The following STAG1 variants were observed in gnomAD, a reference collection of about 807,000 sequenced individuals.
STAG1 encodes cohesin subunit SA-1.
Under a neutral mutation model 170.9 loss-of-function variants are expected in STAG1, and 26 were observed. The observed-to-expected ratio is 0.15, with a 90% confidence interval of 0.11 to 0.21. STAG1 has a LOEUF of 0.21. STAG1 is among the 10% of genes least tolerant of loss of function. The pLI is 1.00. For missense variants in STAG1, 964 were observed against 1,509.5 expected (o/e 0.64, Z 5.99); for synonymous variants, 514 against 497.7 (o/e 1.03, Z -0.44).
intron 9 of STAG1, among the ~76,000 whole-genome samples, chr3:136,479,099 TA>T (rs2089848775): frequency 6.6e-6 from 1 of 150,616 alleles, no homozygotes; most frequent in Non-Finnish European, 1.5e-5. Context: ...TATTATACTT[TA>T]AGTTTTAGGG....
intron 6 of STAG1, among the ~76,000 whole-genome samples, chr3:136,522,352 C>A (rs935845320): frequency 6.6e-6 from 1 of 152,116 alleles, no homozygotes; most frequent in Admixed American, 6.6e-5. Flanking sequence ...GAGTCAAAAT[C>A]CCAAAAGTTA....
chr3:136,732,551 T>C (rs1225782480), intron 1 of STAG1, among the ~76,000 whole-genome samples: 2 of 152,198 alleles, frequency 1.3e-5, no homozygotes, highest in Non-Finnish European at 2.9e-5. Flanking sequence ...CAGAACACGC[T>C]GGTGATAACC....
Position 136,708,318 on chromosome 3 carries a change from T to C in STAG1, c.-84+43877A>G, listed in dbSNP as rs567778925. On this transcript the variant is annotated intron_variant, in intron 1 of 33. Coordinates refer to ENST00000383202, the MANE Select transcript of STAG1 (RefSeq NM_005862.3). ...GCCATAAAAATTAAGTACTAATATA[T>C]GCTATAACTTCGATAAACATTGAAA... Among the ~76,000 whole-genome samples the C allele has an allele frequency of 2.0e-5, 3 of 152,138 alleles. No individual in the cohort carries two copies. The South Asian group carries it at 6.2e-4, about 32-fold the overall frequency.
chr3:136,617,529 C>A (rs779566114), intron 3 of STAG1, among the ~76,000 whole-genome samples: 2 of 152,190 alleles, frequency 1.3e-5, no homozygotes, highest in Non-Finnish European at 2.9e-5. Context: ...CAAGGAGGAA[C>A]CACTGGAGTC....
At position 136,443,299 on chromosome 3, in the gene STAG1, G is replaced by T. The variant is rs1360641128; in HGVS notation, c.1534C>A (p.Gln512Lys). The change falls in exon 15 of 34, where the codon CAA becomes AAA. Residue 512 changes from glutamine to lysine, a missense_variant. Transcript: ENST00000383202. Reference protein sequence around the residue: ...MTELLLEEPVQGEEAMSDRQE... With the variant: ...MTELLLEEPVKGEEAMSDRQE... ...CAAAATACTATACCTTCCTCTCCTT[G>T]AACAGGTTCTTCTAATAGCAACTCT... is the stretch of plus-strand genomic sequence containing the variant. The T allele has an allele frequency of 3.1e-6, 5 of 1,609,906 alleles. No homozygotes were observed. The highest frequency in any genetic ancestry group is 4.2e-6 in the Non-Finnish European group (5 of 1,176,798).
intron 26 of STAG1, among the ~76,000 whole-genome samples, chr3:136,361,759 G>A (rs1032909947): frequency 5.3e-5 from 8 of 152,060 alleles, no homozygotes; most frequent in East Asian, 3.9e-4. Context: ...TACGGGGTGC[G>A]TGCCAACACA....
rs186844149 is a variant in STAG1 at position 136,531,054 on chromosome 3, G to A, written c.472-9637C>T. 4.7e-3 allele frequency among the ~76,000 whole-genome samples: 719 copies of A among 152,236 alleles called. 3 individuals carry two copies. The highest frequency in any genetic ancestry group is 7.8e-3 in the Non-Finnish European group (529 of 68,024). On this transcript the variant is annotated intron_variant, in intron 6 of 33. Transcript: ENST00000383202. ...CAGGAGGCAGAGGTTGCAGTGAGCC[G>A]AGATCACGCACTGCACTCTAGCCTG...
At chr3:136,591,473 G>A in intron 4 of STAG1, 1 of 380,182 alleles carries the variant, frequency 2.6e-6, no homozygotes, top group Admixed American at 3.3e-5. Context: ...GAGAGGCTCA[G>A]GCCGGGGAGG....
intron 26 of STAG1, among the ~76,000 whole-genome samples, chr3:136,362,963 G>GC (rs1168932055): frequency 1.3e-5 from 2 of 151,660 alleles, no homozygotes; most frequent in Admixed American, 6.6e-5. Context: ...TATCCACTAG[G>GC]CCCCCTGAAA....
intron 4 of STAG1, among the ~76,000 whole-genome samples, chr3:136,596,178 T>A (rs1481722457): frequency 1.3e-5 from 2 of 152,208 alleles, no homozygotes; most frequent in Non-Finnish European, 2.9e-5. Context: ...AGTTCTGTGG[T>A]AAAATGCTAT....
intron 7 of STAG1, among the ~76,000 whole-genome samples, chr3:136,508,435 C>A (rs1933878907): frequency 6.6e-6 from 1 of 152,148 alleles, no homozygotes; most frequent in South Asian, 2.1e-4. Context: ...CATCTGTAAT[C>A]CCAGTGCTTT....
chr3:136,426,323 T>C (rs575456686), intron 16 of STAG1, among the ~76,000 whole-genome samples: 1 of 152,094 alleles, frequency 6.6e-6, no homozygotes, highest in East Asian at 1.9e-4. Flanking sequence ...GGCAAGAGAA[T>C]GGCGTGAACC....
In STAG1 at chr3:136,422,608, C is replaced by T; in HGVS notation, c.1839G>A (p.Leu613=). The change falls in exon 19 of 34, where the codon CTG becomes CTA. Residue 613 remains leucine (L), a synonymous_variant. Transcript: ENST00000383202. ...IYSTGRMEKH[L]DALLKQIKFV... is the part of the protein sequence containing the mutation. ...ACTTAATCTGTTTTAATAAAGCATC[C>T]AGATGCTGAGGAGACAAAAAAAGAA... 1 of 1,612,290 alleles carries T rather than the reference C, an allele frequency of 6.2e-7. No homozygotes were observed. Among genetic ancestry groups the T allele is most frequent in the Non-Finnish European group, 8.5e-7 (1 of 1,179,604 alleles).
Position 136,587,649 on chromosome 3 carries a change from T to C in STAG1, c.297+16660A>G, listed in dbSNP as rs1013853309. Among the ~76,000 whole-genome samples the C allele has an allele frequency of 5.3e-5, 8 of 151,132 alleles. 1 individual carries two copies. The highest frequency in any genetic ancestry group is 1.9e-4 in the African/African-American group (8 of 41,118). On this transcript the variant is annotated intron_variant, in intron 4 of 33. Coordinates refer to ENST00000383202, the MANE Select transcript of STAG1 (RefSeq NM_005862.3). The stretch of plus-strand genomic sequence containing the variant: ...AAAATAAAGGGAAAACAGAACTAAA[T>C]TGCTTAAAAAGAAAAATTAGCCAGG...
At chr3:136,472,257 C>G (rs1270846136) in intron 12 of STAG1, among the ~76,000 whole-genome samples, 156 bp downstream of exon 12, 1 of 151,722 alleles carries the variant, frequency 6.6e-6, no homozygotes, top group East Asian at 1.9e-4. Context: ...TAGAAAAAAA[C>G]AGAAAACACT....
At chr3:136,749,158 A>G (rs34169052) in intron 1 of STAG1, among the ~76,000 whole-genome samples, 10,758 of 152,252 alleles carry the variant, frequency 0.071, 487 homozygotes, top group Middle Eastern at 0.1. Flanking sequence ...ATGACAAAAT[A>G]TATGTTTGCA....
chr3:136,663,860 C>T (rs764733556), intron 1 of STAG1, among the ~76,000 whole-genome samples: 8 of 152,090 alleles, frequency 5.3e-5, no homozygotes, highest in Non-Finnish European at 1.0e-4. Flanking sequence ...AAATATAAAA[C>T]AACCGAGATC....
chr3:136,386,064 G>A (rs938565133), intron 22 of STAG1, among the ~76,000 whole-genome samples: 6 of 152,182 alleles, frequency 3.9e-5, no homozygotes, highest in South Asian at 2.1e-4. Context: ...TTGGCCGGGC[G>A]CAGTGGCTCA....
intron 1 of STAG1, among the ~76,000 whole-genome samples, chr3:136,698,142 G>C (rs1306557671): frequency 6.6e-6 from 1 of 151,908 alleles, no homozygotes; most frequent in African/African-American, 2.4e-5. Flanking sequence ...AAAAGCAAAT[G>C]CAACAAAAAT....
Sources: gnomAD v4.1 joint callset for allele counts (sites outside exome capture counted in the v4.1 genomes callset) on GRCh38, gnomAD v4.1.1 for gene constraint, MANE v1.5 for transcripts, NCBI Gene and HGNC (gene_info 2026-07-23, HGNC 2026-07-21) for gene names.